INTS4: variants seen among roughly 807,000 people sequenced by gnomAD.
INTS4 encodes the protein MSTP093.
INTS4 carries 70 observed loss-of-function variants against 119.5 expected under a neutral mutation model. That is an observed-to-expected ratio of 0.59 (90% CI 0.48 to 0.71). The LOEUF (loss-of-function observed/expected upper bound fraction) is 0.71. Among genes scored for constraint, INTS4 ranks in the 30% least tolerant of loss-of-function variants. The pLI, the probability that INTS4 is intolerant of heterozygous loss-of-function variation, is 0.00. For synonymous variants in INTS4, 316 were observed against 419.6 expected (o/e 0.75, Z 3.02); for missense variants, 867 against 1,173.2 (o/e 0.74, Z 3.81).
chr11:77,935,997 T>G (rs1037438067), intron 10 of INTS4, among the ~76,000 whole-genome samples: 3 of 151,684 alleles, frequency 2.0e-5, no homozygotes, highest in Non-Finnish European at 4.4e-5. Flanking sequence ...GGCTAAATGC[T>G]ACTCTAATCC....
intron 15 of INTS4, among the ~76,000 whole-genome samples, chr11:77,908,576 C>T (rs557188900): frequency 1.3e-5 from 2 of 152,306 alleles, no homozygotes; most frequent in South Asian, 4.1e-4. Context: ...ATCTGCCTGC[C>T]TCGGCCTCTC....
At chr11:77,993,318 G>C (rs1023533805) in intron 1 of INTS4, among the ~76,000 whole-genome samples, 1 of 152,214 alleles carries the variant, frequency 6.6e-6, no homozygotes, top group Non-Finnish European at 1.5e-5. Context: ...CTAAGCTCTC[G>C]CTGAGGTTTC....
intron 2 of INTS4, among the ~76,000 whole-genome samples, chr11:77,982,327 G>T (rs528296104): frequency 4.0e-5 from 6 of 151,874 alleles, no homozygotes; most frequent in Non-Finnish European, 1.5e-5. Context: ...TAGTAGAGAT[G>T]AGCTTTTGCT....
chr11:77,939,746 G>A (rs1953884073), intron 9 of INTS4, among the ~76,000 whole-genome samples: 2 of 151,282 alleles, frequency 1.3e-5, no homozygotes, highest in Admixed American at 1.3e-4. Context: ...TCAGGAGGCC[G>A]AGGTGAGAGG....
chr11:77,877,171 TA>T, downstream of INTS4: 1 of 627,514 alleles, frequency 1.6e-6, no homozygotes, highest in East Asian at 2.7e-5. Flanking sequence ...TGTCATTTCC[TA>T]ATTGTGTGAC....
At chr11:77,970,478 G>A (rs1472757754) in intron 4 of INTS4, among the ~76,000 whole-genome samples, 2 of 151,992 alleles carry the variant, frequency 1.3e-5, no homozygotes, top group East Asian at 3.9e-4. Flanking sequence ...GAACAGCTGG[G>A]TCCTATGGTA....
chr11:77,948,980 T>C (rs1201313282), intron 8 of INTS4, among the ~76,000 whole-genome samples: 2 of 152,204 alleles, frequency 1.3e-5, no homozygotes, highest in East Asian at 3.8e-4. Context: ...AAGAACAATC[T>C]GGTTTTTAGT....
chr11:77,901,416 C>T lies in INTS4; in HGVS notation c.2228+5G>A. ...CCACATATTTTGGCCAACCCCACAT[C>T]TTACCCTCGTGTAGTTCGTGCTGTT... On this transcript the variant is annotated splice_donor_5th_base_variant and intron_variant, in intron 18 of 22. Transcript: ENST00000534064. 2.5e-6 allele frequency: 4 copies of T among 1,613,950 alleles called. No homozygotes were observed. The highest frequency in any genetic ancestry group is 3.4e-6 in the Non-Finnish European group (4 of 1,179,834).
In INTS4 at chr11:77,931,903, C is replaced by T. The variant is rs183328010; in HGVS notation, c.1166-3356G>A. ...GCTAGCCATATGCAGAAAACTGAAA[C>T]TGGATCCCTTCCTTACACTTTATAC... is the stretch of plus-strand genomic sequence containing the variant. On this transcript the variant is annotated intron_variant, in intron 10 of 22. Transcript: ENST00000534064. Among the ~76,000 whole-genome samples, 9 of 152,270 alleles carry T rather than the reference C, an allele frequency of 5.9e-5. 1 individual carries two copies. The East Asian group carries it at 1.7e-3, about 29-fold the overall frequency.
intron 2 of INTS4, chr11:77,987,255 A>T (rs72941354): frequency 0.15 from 22,143 of 151,750 alleles, 1,814 homozygotes; most frequent in East Asian, 0.27. Context: ...AAGGTTTTTT[A>T]AAAAAAAAAC....
intron 15 of INTS4, among the ~76,000 whole-genome samples, chr11:77,910,711 T>C (rs189569664): frequency 1.3e-5 from 2 of 152,250 alleles, no homozygotes; most frequent in African/African-American, 4.8e-5. Flanking sequence ...TCCCCCTTCC[T>C]ACGCCTGTGC....
At chr11:77,920,887 T>A (rs944665662) in intron 14 of INTS4, among the ~76,000 whole-genome samples, 14 of 150,448 alleles carry the variant, frequency 9.3e-5, no homozygotes, top group African/African-American at 2.7e-4. Flanking sequence ...TAAATAAATA[T>A]ATATATATAA....
intron 4 of INTS4, among the ~76,000 whole-genome samples, chr11:77,965,093 T>C (rs576948502): frequency 4.6e-5 from 7 of 152,318 alleles, no homozygotes; most frequent in Non-Finnish European, 8.8e-5. Context: ...AGACAACATC[T>C]TCCTCTGTCA....
At chr11:77,914,558 C>A (rs546679470) in intron 15 of INTS4, among the ~76,000 whole-genome samples, 2 of 152,182 alleles carry the variant, frequency 1.3e-5, no homozygotes, top group Non-Finnish European at 2.9e-5. Context: ...GAGCTGTGGA[C>A]TGCCCAGAGC....
intron 10 of INTS4, among the ~76,000 whole-genome samples, chr11:77,936,160 G>A (rs1477973050): frequency 8.8e-6 from 1 of 113,982 alleles, no homozygotes; most frequent in Non-Finnish European, 1.8e-5. Context: ...GACAAAGGAT[G>A]GAATATATAC....
chr11:77,888,591 A>G (rs1423427373), intron 21 of INTS4, among the ~76,000 whole-genome samples: 7 of 152,224 alleles, frequency 4.6e-5, no homozygotes, highest in Non-Finnish European at 1.0e-4. Flanking sequence ...AATTAAACTA[A>G]AGAGCTTCTG....
At chr11:77,952,028 G>C (rs1954209203) in intron 8 of INTS4, among the ~76,000 whole-genome samples, 1 of 152,194 alleles carries the variant, frequency 6.6e-6, no homozygotes, top group Non-Finnish European at 1.5e-5. Context: ...GTGCTGGAGA[G>C]GATGTGGAGA....
At chr11:77,880,462 A>G (rs1456743855) in intron 22 of INTS4, among the ~76,000 whole-genome samples, 3 of 152,236 alleles carry the variant, frequency 2.0e-5, no homozygotes, top group African/African-American at 7.2e-5. Context: ...CACTCACATG[A>G]CAACATGAGG....
chr11:77,981,823 G>A (rs1030150424), intron 2 of INTS4, among the ~76,000 whole-genome samples: 4 of 151,896 alleles, frequency 2.6e-5, no homozygotes, highest in African/African-American at 4.8e-5. Context: ...AGTGCAGTGC[G>A]TGATCTTGGC....
Sources: gnomAD v4.1 joint callset for allele counts (sites outside exome capture counted in the v4.1 genomes callset) on GRCh38, gnomAD v4.1.1 for gene constraint, MANE v1.5 for transcripts, NCBI Gene and HGNC (gene_info 2026-07-23, HGNC 2026-07-21) for gene names.